The following RASSF7 variants were observed in gnomAD, a reference collection of about 807,000 sequenced individuals.
RASSF7 encodes Ras association domain family member 7.
Under a neutral mutation model 33.8 loss-of-function variants are expected in RASSF7, and 41 were observed. The ratio of observed to expected loss-of-function variants is 1.21; its 90% CI spans 0.95 to 1.57. The LOEUF (loss-of-function observed/expected upper bound fraction) is 1.57, where lower values mean the gene tolerates loss of function less well. RASSF7 is among the 40% of genes most tolerant of loss of function. The pLI, the probability that RASSF7 is intolerant of heterozygous loss-of-function variation, is 0.00. For missense variants in RASSF7, 622 were observed against 497.0 expected (o/e 1.25, Z -2.39); for synonymous variants, 298 against 212.8 (o/e 1.40, Z -3.48).
Position 561,778 on chromosome 11 carries a change from G to A in RASSF7, c.10G>A (p.Gly4Arg). The A allele has an allele frequency of 6.2e-7, 1 of 1,613,430 alleles. No individual in the cohort carries two copies. The highest frequency in any genetic ancestry group is 8.5e-7 in the Non-Finnish European group (1 of 1,180,004). MLL[G>R]LAAMELKVWV... ...TCCCCACAGGACAGGCATGTTGTTGGGACTGGCGGCCATGGAGCTGAAGGT... is the reference window on the plus strand; with the variant it reads ...TCCCCACAGGACAGGCATGTTGTTGAGACTGGCGGCCATGGAGCTGAAGGT... Residue 4 changes from glycine (G) to arginine (R), a missense_variant, in exon 2 of 6, where the codon GGA becomes AGA. Gly to Arg is a moderately radical substitution (Grantham distance 125). Transcript: ENST00000397583.
rs575869678 is a variant in RASSF7, at chr11:561,600, G to C, written c.-8+123G>C. On this transcript the variant is annotated intron_variant, in intron 1 of 5. Transcript: ENST00000397583. Reference sequence around the variant, plus strand: ...GTGCTCCGGAGGGCCGCCACCCCAGGAATGTGTGGCTGGCGGGTGGGGCTG... The same window carrying C: ...GTGCTCCGGAGGGCCGCCACCCCAGCAATGTGTGGCTGGCGGGTGGGGCTG... 46 of 1,401,776 alleles carry C rather than the reference G, an allele frequency of 3.3e-5. 1 individual carries two copies. The South Asian group carries it at 6.3e-4, about 19-fold the overall frequency. The allele number at this position is 1,401,776 out of a possible 1,614,324, so 86.8% of individuals were successfully genotyped here.
chr11:563,399 C>A lies in RASSF7; in HGVS notation c.955C>A (p.Pro319Thr). Residue 319 changes from proline (P) to threonine (T), a missense_variant, in exon 5 of 6, where the codon CCT (proline) becomes ACT (threonine). Physicochemically the swap from Pro to Thr is conservative, Grantham distance 38 (BLOSUM62 -1). Coordinates refer to ENST00000397583, the MANE Select transcript of RASSF7 (RefSeq NM_003475.4). ...AAGCTGACTTCCCAACCCACAGGGC[C>A]CTCTGCCTCCAGCCAGAGAGGAGTC... Reference protein sequence around the residue: ...PDRGPPGTQGPLPPAREESLL... With the variant: ...PDRGPPGTQGTLPPAREESLL... 1 of 1,611,546 alleles carries A rather than the reference C, an allele frequency of 6.2e-7. No homozygotes were observed. Among genetic ancestry groups the A allele is most frequent in the Non-Finnish European group, 8.5e-7 (1 of 1,179,334 alleles).
rs573424072 is a variant in RASSF7 at position 563,805 on chromosome 11, C to T, written c.*160C>T. 5.4e-5 allele frequency: 37 copies of T among 686,764 alleles called. No homozygotes were observed. In the South Asian group the frequency reaches 6.9e-4, roughly 13 times the overall value. 42.5% of individuals were successfully genotyped at this position (686,764 alleles called of 1,614,324 possible). Reference sequence around the variant, plus strand: ...CCTAGTCCTTGCCAGGTCGCCAGCACCCTGGAGAAGCATGGGGCGTAGCCA... The same window carrying T: ...CCTAGTCCTTGCCAGGTCGCCAGCATCCTGGAGAAGCATGGGGCGTAGCCA... On this transcript the variant is annotated 3_prime_UTR_variant, in exon 6 of 6. Coordinates refer to ENST00000397583, the MANE Select transcript of RASSF7 (RefSeq NM_003475.4).
Position 562,464 on chromosome 11 carries a change from C to A in RASSF7, c.510C>A (p.Gly170=). The part of the protein sequence containing the change: ...LRVQRNAEEL[G]HEAFWEQELR... ...TGCAGAGGAATGCTGAGGAGCTGGG[C>A]CATGAGGCCTTCTGGGAGCAAGAGC... Residue 170 remains glycine, a synonymous_variant, in exon 3 of 6, where the codon GGC becomes GGA. Transcript: ENST00000397583. 1 of 1,550,576 alleles carries A rather than the reference C, an allele frequency of 6.4e-7. No homozygotes were observed. Among genetic ancestry groups the A allele is most frequent in the Non-Finnish European group, 8.7e-7 (1 of 1,146,990 alleles).
Position 563,188 on chromosome 11 carries a change from G to A in RASSF7, c.823-1G>A. On this transcript the variant is annotated splice_acceptor_variant, in intron 3 of 5. Coordinates refer to ENST00000397583, the MANE Select transcript of RASSF7 (RefSeq NM_003475.4). LOFTEE classifies it high-confidence loss of function. ...CTCCTAAGGATCTCATGTGTCCCCAGGCTCAGGCTCAGGAGCTGGAGGAGC... is the reference window on the plus strand; with the variant it reads ...CTCCTAAGGATCTCATGTGTCCCCAAGCTCAGGCTCAGGAGCTGGAGGAGC... 1 of 1,572,950 alleles carries A rather than the reference G, an allele frequency of 6.4e-7. No homozygotes were observed. The highest frequency in any genetic ancestry group is 8.7e-7 in the Non-Finnish European group (1 of 1,154,810).
rs1260660849 is a variant in RASSF7 at position 561,889 on chromosome 11, A to G, written c.121A>G (p.Ile41Val). 1 of 1,613,468 alleles carries G rather than the reference A, an allele frequency of 6.2e-7. No homozygotes were observed. The highest frequency in any genetic ancestry group is 1.7e-5 in the Admixed American group (1 of 60,022). ...QEVVIALAQAIGQTGRFVLVQ... is the reference protein window; with the variant it reads ...QEVVIALAQAVGQTGRFVLVQ... ...AGTGGTCATCGCACTAGCCCAAGCA[A>G]TAGGTGAGTCCTCTCGGGGTCAGGC... The change falls in exon 2 of 6, where the codon ATA (isoleucine) becomes GTA (valine). Residue 41 changes from isoleucine (I) to valine (V), a missense_variant. Coordinates refer to ENST00000397583, the MANE Select transcript of RASSF7 (RefSeq NM_003475.4).
rs767627122 is a variant in RASSF7, at chr11:562,109, G to A, written c.155G>A (p.Arg52Gln). ...GQTGRFVLVQ[R>Q]LREKERQLLP... Reference sequence around the variant, plus strand: ...ACTGGCCGCTTTGTGCTTGTGCAGCGGCTTCGGGAGAAGGAGCGGCAGTTG... The same window carrying A: ...ACTGGCCGCTTTGTGCTTGTGCAGCAGCTTCGGGAGAAGGAGCGGCAGTTG... The change falls in exon 3 of 6, where the codon CGG (arginine) becomes CAG (glutamine). Residue 52 changes from arginine (R) to glutamine (Q), a missense_variant. Transcript: ENST00000397583. 39 of 1,534,352 alleles carry A rather than the reference G, an allele frequency of 2.5e-5. No individual in the cohort carries two copies. The highest frequency in any genetic ancestry group is 4.1e-5 in the African/African-American group (3 of 72,542).
Position 560,979 on chromosome 11 carries a change from G to A in RASSF7, c.-506G>A, listed in dbSNP as rs1045722584. 2.3e-5 allele frequency: 25 copies of A among 1,087,210 alleles called. No individual in the cohort carries two copies. The African/African-American group carries it at 4.2e-4, about 18-fold the overall frequency. The allele number at this position is 1,087,210 out of a possible 1,614,324, so 67.3% of individuals were successfully genotyped here. A position where few individuals can be genotyped will look rare whatever the true frequency, so the allele number is the denominator to read the frequency against. On this transcript the variant is annotated 5_prime_UTR_variant, in exon 1 of 6. Transcript: ENST00000397583. ...GGGGCCCGGGTGCGCCGCGGCGCTG[G>A]GGGCGGCAGGTTGCGGCGGCGCCGG...
rs944830019 is a variant in RASSF7, at chr11:562,554, T to C, written c.600T>C (p.Thr200=). The C allele has an allele frequency of 4.5e-6, 7 of 1,546,344 alleles. No homozygotes were observed. The highest frequency in any genetic ancestry group is 6.1e-6 in the Non-Finnish European group (7 of 1,146,514). The change falls in exon 3 of 6, where the codon ACT becomes ACC. Residue 200 remains threonine, a synonymous_variant. Coordinates refer to ENST00000397583, the MANE Select transcript of RASSF7 (RefSeq NM_003475.4). Reference sequence around the variant, plus strand: ...GCCTGCAGGCACTAAGTGCGGCCACTGCTGAGCATGCCGCCCGGCTGCAGG... The same window carrying C: ...GCCTGCAGGCACTAAGTGCGGCCACCGCTGAGCATGCCGCCCGGCTGCAGG... ...QARLQALSAA[T]AEHAARLQAL...
At position 561,126 on chromosome 11, in the gene RASSF7, G is replaced by T. The variant is rs1853273527; in HGVS notation, c.-359G>T. ...CCAACTGGGGAGAGTTTTCCGCGAT[G>T]CCCGGACGGAGAGCGGGGGCGGCGC... On this transcript the variant is annotated 5_prime_UTR_variant, in exon 1 of 6. It removes an upstream start codon present in the reference 5' UTR. Coordinates refer to ENST00000397583, the MANE Select transcript of RASSF7 (RefSeq NM_003475.4). The T allele has an allele frequency of 1.0e-6, 1 of 985,074 alleles. No individual in the cohort carries two copies. The highest frequency in any genetic ancestry group is 1.2e-6 in the Non-Finnish European group (1 of 829,920). 61.0% of individuals were successfully genotyped at this position (985,074 alleles called of 1,614,324 possible).
In RASSF7 at chr11:563,223, A is replaced by G; in HGVS notation, c.857A>G (p.Glu286Gly). 2 of 1,598,246 alleles carry G rather than the reference A, an allele frequency of 1.3e-6. No homozygotes were observed. Among genetic ancestry groups the G allele is most frequent in the South Asian group, 1.1e-5 (1 of 90,102 alleles). Residue 286 changes from glutamate to glycine, a missense_variant, in exon 4 of 6, where the codon GAG becomes GGG. Glu to Gly is a moderately conservative substitution (Grantham distance 98). Transcript: ENST00000397583. ...CAGGAGCTGGAGGAGCTGAACCGAG[A>G]GCTCCGTCAGTGCAACCTGCAGCAG... ...QAQELEELNR[E>G]LRQCNLQQFI...
Position 562,664 on chromosome 11 carries a change from C to A in RASSF7, c.710C>A (p.Ala237Asp). ...GGGCCCCCCTCACCTATGGCATCTG[C>A]CACTGAGCGCCTGCACCAGGACCTG... ...APGPPSPMAS[A>D]TERLHQDLAV... Residue 237 changes from alanine (A) to aspartate (D), a missense_variant, in exon 3 of 6, where the codon GCC becomes GAC. Ala to Asp is a moderately radical substitution (Grantham distance 126, BLOSUM62 -2). Coordinates refer to ENST00000397583, the MANE Select transcript of RASSF7 (RefSeq NM_003475.4). The A allele has an allele frequency of 6.5e-7, 1 of 1,543,832 alleles. No homozygotes were observed. Among genetic ancestry groups the A allele is most frequent in the African/African-American group, 1.4e-5 (1 of 73,122 alleles).
In RASSF7 at chr11:561,040, C is replaced by T. The variant is rs1250598124; in HGVS notation, c.-445C>T. ...CAGGCTGGCGAGCGCCCAGGTGAGC[C>T]GCGCCGGGTCCCCGGTACTTGGGAG... On this transcript the variant is annotated 5_prime_UTR_variant, in exon 1 of 6. Coordinates refer to ENST00000397583, the MANE Select transcript of RASSF7 (RefSeq NM_003475.4). 3.0e-6 allele frequency: 3 copies of T among 998,072 alleles called. No homozygotes were observed. The highest frequency in any genetic ancestry group is 2.4e-6 in the Non-Finnish European group (2 of 838,990). The allele number at this position is 998,072 out of a possible 1,614,324, so 61.8% of individuals were successfully genotyped here.
chr11:563,105 C>G, intron 3 of RASSF7, 84 bp from the exon 4 acceptor site: 1 of 1,359,088 alleles, frequency 7.4e-7, no homozygotes, highest in South Asian at 1.4e-5. Context: ...GTCACAGGGC[C>G]CGACCAGGGA....
rs375319457 is a variant in RASSF7 at position 561,785 on chromosome 11, C to A, written c.17C>A (p.Ala6Glu). 3 of 1,613,216 alleles carry A rather than the reference C, an allele frequency of 1.9e-6. No individual in the cohort carries two copies. The African/African-American group carries it at 4.0e-5, about 22-fold the overall frequency. The change falls in exon 2 of 6, where the codon GCG (alanine) becomes GAG (glutamate). Residue 6 changes from alanine (A) to glutamate (E), a missense_variant. Coordinates refer to ENST00000397583, the MANE Select transcript of RASSF7 (RefSeq NM_003475.4). MLLGL[A>E]AMELKVWVDG... is the part of the protein sequence containing the mutation. ...AGGACAGGCATGTTGTTGGGACTGG[C>A]GGCCATGGAGCTGAAGGTGTGGGTG...
In RASSF7 at chr11:561,450, G is replaced by A. The variant is rs1420220823; in HGVS notation, c.-35G>A. 1 of 1,180,506 alleles carries A rather than the reference G, an allele frequency of 8.5e-7. No individual in the cohort carries two copies. The allele number at this position is 1,180,506 out of a possible 1,614,324, so 73.1% of individuals were successfully genotyped here. On this transcript the variant is annotated 5_prime_UTR_variant, in exon 1 of 6. Coordinates refer to ENST00000397583, the MANE Select transcript of RASSF7 (RefSeq NM_003475.4). ...GCGTGCGGGCGCCTCCGCGCCGCCC[G>A]GGGAGGGGGCAGTGTCCTCCGAGCC... is the stretch of plus-strand genomic sequence containing the variant.
At position 562,137 on chromosome 11, in the gene RASSF7, G is replaced by A; in HGVS notation, c.183G>A (p.Leu61=). Residue 61 remains leucine (L), a synonymous_variant, in exon 3 of 6, where the codon CTG becomes CTA. Transcript: ENST00000397583. ...TTCGGGAGAAGGAGCGGCAGTTGCT[G>A]CCACAAGAGTGTCCAGTGGGCGCCC... ...QRLREKERQL[L]PQECPVGAQA... The A allele has an allele frequency of 6.5e-7, 1 of 1,546,044 alleles. No homozygotes were observed. The highest frequency in any genetic ancestry group is 8.7e-7 in the Non-Finnish European group (1 of 1,146,358).
chr11:560,982 G>T lies in RASSF7; in HGVS notation c.-503G>T. 2.8e-6 allele frequency: 3 copies of T among 1,071,854 alleles called. No individual in the cohort carries two copies. The highest frequency in any genetic ancestry group is 3.4e-6 in the Non-Finnish European group (3 of 886,538). The allele number at this position is 1,071,854 out of a possible 1,614,324, so 66.4% of individuals were successfully genotyped here. ...GCCCGGGTGCGCCGCGGCGCTGGGG[G>T]CGGCAGGTTGCGGCGGCGCCGGAGC... On this transcript the variant is annotated 5_prime_UTR_variant, in exon 1 of 6. Coordinates refer to ENST00000397583, the MANE Select transcript of RASSF7 (RefSeq NM_003475.4).
Position 561,240 on chromosome 11 carries a change from C to T in RASSF7, c.-245C>T. 3 of 985,370 alleles carry T rather than the reference C, an allele frequency of 3.0e-6. No homozygotes were observed. The highest frequency in any genetic ancestry group is 3.6e-6 in the Non-Finnish European group (3 of 829,916). 61.0% of individuals were successfully genotyped at this position (985,370 alleles called of 1,614,324 possible). ...CGGGCTTCGGTGCCCGCGGCGGGGA[C>T]CGGGACTTTCGGGGCGAGCGCAGCG... On this transcript the variant is annotated 5_prime_UTR_variant, in exon 1 of 6. Transcript: ENST00000397583.
Sources: allele counts gnomAD v4.1 joint callset, GRCh38; gene constraint gnomAD v4.1.1; transcripts MANE v1.5; gene names NCBI Gene and HGNC (gene_info 2026-07-23, HGNC 2026-07-21).